OXR1: variants seen among roughly 807,000 people sequenced by gnomAD.
OXR1 encodes oxidation resistance protein 1.
OXR1 carries 41 observed loss-of-function variants against 104.6 expected under a neutral mutation model. That is an observed-to-expected ratio of 0.39 (90% confidence interval 0.31 to 0.51). The LOEUF (loss-of-function observed/expected upper bound fraction) is 0.51. Ranked by LOEUF, OXR1 falls within the 20% of genes least tolerant of loss-of-function variation. OXR1 has a pLI of 0.77. For missense variants in OXR1, 955 were observed against 1,031.9 expected, an observed-to-expected ratio of 0.93 and a Z score of 1.02; for synonymous variants, 348 against 348.4, an observed-to-expected ratio of 1.00 and a Z score of 0.01.
At chr8:106,460,751 G>A (rs1180663818) in intron 2 of OXR1, among the ~76,000 whole-genome samples, 1 of 152,152 alleles carries the variant, frequency 6.6e-6, no homozygotes, top group African/African-American at 2.4e-5. Context: ...ATCGTTCCCT[G>A]TACTGAGAAT....
chr8:106,525,317 A>G (rs1210169598), intron 3 of OXR1, among the ~76,000 whole-genome samples: 1 of 152,208 alleles, frequency 6.6e-6, no homozygotes, highest in African/African-American at 2.4e-5. Context: ...AGAAGTCCAG[A>G]GAGGTTAGGA....
At chr8:106,332,842 T>C (rs1814778704) in intron 1 of OXR1, among the ~76,000 whole-genome samples, 1 of 152,166 alleles carries the variant, frequency 6.6e-6, no homozygotes, top group African/African-American at 2.4e-5. Flanking sequence ...TTGCTTATCC[T>C]ATCTCTATGG....
intron 3 of OXR1, among the ~76,000 whole-genome samples, chr8:106,536,567 G>A (rs1000090372): frequency 2.0e-5 from 3 of 152,100 alleles, no homozygotes; most frequent in East Asian, 1.9e-4. Context: ...CTAAGCTAAG[G>A]GCTACTAGGA....
chr8:106,410,405 C>T (rs577197946), intron 2 of OXR1, among the ~76,000 whole-genome samples: 12 of 152,196 alleles, frequency 7.9e-5, no homozygotes, highest in South Asian at 2.1e-4. Context: ...TGGTGTTAGA[C>T]GTTGGCTATT....
At chr8:106,564,284 A>G (rs554919305) in intron 3 of OXR1, among the ~76,000 whole-genome samples, 2 of 152,258 alleles carry the variant, frequency 1.3e-5, no homozygotes, top group South Asian at 2.1e-4. Flanking sequence ...GACACAATAA[A>G]AAAATGATAA....
At position 106,454,549 on chromosome 8, in the gene OXR1, T is replaced by A. The variant is rs1044750626; in HGVS notation, c.24-64394T>A. Among the ~76,000 whole-genome samples the A allele has an allele frequency of 2.3e-4, 35 of 152,132 alleles. 1 individual carries two copies. Among genetic ancestry groups the A allele is most frequent in the African/African-American group, 7.9e-4 (33 of 41,532 alleles). ...AAGTTGCTGACACCTACTTTGCAAG[T>A]TTTGATGTCCATGTATAGGTAGTGA... On this transcript the variant is annotated intron_variant, in intron 2 of 16. Transcript: ENST00000517566.
chr8:106,438,636 A>G (rs1052000573), intron 2 of OXR1, among the ~76,000 whole-genome samples: 8 of 152,056 alleles, frequency 5.3e-5, no homozygotes, highest in African/African-American at 1.9e-4. Flanking sequence ...TAAAATGGGG[A>G]TGAAAGTAGT....
intron 3 of OXR1, among the ~76,000 whole-genome samples, chr8:106,634,694 A>G (rs1200048994): frequency 1.3e-5 from 2 of 152,210 alleles, no homozygotes; most frequent in African/African-American, 4.8e-5. Context: ...AATCTATTCA[A>G]GTTTTTTAGA....
chr8:106,744,635 G>A (rs1475242380), intron 15 of OXR1, among the ~76,000 whole-genome samples: 2 of 152,056 alleles, frequency 1.3e-5, no homozygotes, highest in African/African-American at 4.8e-5. Flanking sequence ...GCTTTACTGT[G>A]GCTTGACTAA....
At chr8:106,446,248 G>C (rs1200695908) in intron 2 of OXR1, among the ~76,000 whole-genome samples, 1 of 152,160 alleles carries the variant, frequency 6.6e-6, no homozygotes, top group Non-Finnish European at 1.5e-5. Flanking sequence ...TTCTTTACAA[G>C]TTAAGGTGTG....
intron 2 of OXR1, among the ~76,000 whole-genome samples, chr8:106,507,748 A>T (rs1812266520): frequency 6.6e-6 from 1 of 152,164 alleles, no homozygotes; most frequent in Non-Finnish European, 1.5e-5. Flanking sequence ...GATAAGAGAG[A>T]TCACTTCGGA....
intron 2 of OXR1, among the ~76,000 whole-genome samples, chr8:106,409,439 A>T (rs1818371889): frequency 6.6e-6 from 1 of 152,164 alleles, no homozygotes; most frequent in Non-Finnish European, 1.5e-5. Flanking sequence ...CCAAACAAAG[A>T]AGCAAACAAA....
At chr8:106,392,546 T>C (rs921973725) in intron 2 of OXR1, among the ~76,000 whole-genome samples, 1 of 152,170 alleles carries the variant, frequency 6.6e-6, no homozygotes, top group African/African-American at 2.4e-5. Flanking sequence ...TAGTGCCAAG[T>C]ATGGAAAACC....
chr8:106,742,575 G>T, intron 15 of OXR1: 2 of 286,258 alleles, frequency 7.0e-6, no homozygotes, highest in South Asian at 1.1e-4. Context: ...AACCAAAATA[G>T]CATGGTACTG....
intron 4 of OXR1, among the ~76,000 whole-genome samples, chr8:106,681,768 A>G (rs1046053305): frequency 6.6e-6 from 1 of 152,162 alleles, no homozygotes; most frequent in African/African-American, 2.4e-5. Flanking sequence ...CAAGTGATCC[A>G]CCTGCCTCAG....
chr8:106,358,045 G>A (rs1816056814), intron 1 of OXR1, among the ~76,000 whole-genome samples: 1 of 152,126 alleles, frequency 6.6e-6, no homozygotes, highest in African/African-American at 2.4e-5. Context: ...TCTAAACTCA[G>A]GCCAATAAAA....
At chr8:106,586,074 C>A (rs988057718) in intron 3 of OXR1, among the ~76,000 whole-genome samples, 2 of 152,124 alleles carry the variant, frequency 1.3e-5, no homozygotes, top group African/African-American at 2.4e-5. Context: ...TTTGGCAAAT[C>A]TGACTTACAT....
intron 3 of OXR1, among the ~76,000 whole-genome samples, chr8:106,590,527 C>G (rs1818998660): frequency 1.3e-5 from 2 of 152,222 alleles, no homozygotes; most frequent in Non-Finnish European, 2.9e-5. Flanking sequence ...ACCTCATGGT[C>G]TGCCCGCCTT....
At chr8:106,476,566 A>G (rs1821820950) in intron 2 of OXR1, among the ~76,000 whole-genome samples, 1 of 151,756 alleles carries the variant, frequency 6.6e-6, no homozygotes, top group African/African-American at 2.4e-5. Context: ...TCTCTTTCTC[A>G]CTAATAAATG....
Sources: allele counts gnomAD v4.1 joint callset (sites outside exome capture counted in the v4.1 genomes callset), GRCh38; gene constraint gnomAD v4.1.1; transcripts MANE v1.5; gene names NCBI Gene and HGNC (gene_info 2026-07-23, HGNC 2026-07-21).